The following KCNIP4 variants were observed in gnomAD, a reference collection of about 807,000 sequenced individuals.
The protein encoded by KCNIP4 is potassium voltage-gated channel interacting protein 4, also known as Kv channel-interacting protein 4.
In KCNIP4, 12 loss-of-function variants were observed where a neutral mutation model predicts 34.0. That is an observed-to-expected ratio of 0.35 (90% CI 0.23 to 0.57). The LOEUF (loss-of-function observed/expected upper bound fraction) is 0.57, where lower values mean the gene tolerates loss of function less well. Ranked by LOEUF, KCNIP4 falls within the 20% of genes least tolerant of loss-of-function variation. KCNIP4 has a pLI of 0.83. For missense variants in KCNIP4, 238 were observed against 311.7 expected, an observed-to-expected ratio of 0.76 and a Z score of 1.78; for synonymous variants, 124 against 102.2, an observed-to-expected ratio of 1.21 and a Z score of -1.29.
chr4:21,152,899 C>A (rs1158143375), intron 1 of KCNIP4, among the ~76,000 whole-genome samples: 2 of 152,166 alleles, frequency 1.3e-5, no homozygotes, highest in East Asian at 1.9e-4. Flanking sequence ...ACAATCCCCA[C>A]CCCCCAACCC....
At chr4:21,496,221 A>G (rs1732838881) in intron 1 of KCNIP4, among the ~76,000 whole-genome samples, 1 of 152,172 alleles carries the variant, frequency 6.6e-6, no homozygotes, top group African/African-American at 2.4e-5. Flanking sequence ...ACTACAGGTA[A>G]TTAGAGAAAG....
intron 1 of KCNIP4, among the ~76,000 whole-genome samples, chr4:21,015,029 G>A (rs1739377435): frequency 6.6e-6 from 1 of 152,108 alleles, no homozygotes; most frequent in East Asian, 1.9e-4. Context: ...GACGAATGTT[G>A]TTATTAGTTT....
At chr4:21,108,828 C>G (rs531446036) in intron 1 of KCNIP4, among the ~76,000 whole-genome samples, 1 of 152,296 alleles carries the variant, frequency 6.6e-6, no homozygotes, top group South Asian at 2.1e-4. Flanking sequence ...ACAGGACCCT[C>G]AGCTGCAGGT....
intron 3 of KCNIP4, among the ~76,000 whole-genome samples, chr4:20,841,308 G>A (rs1719688724): frequency 6.6e-6 from 1 of 152,134 alleles, no homozygotes; most frequent in Admixed American, 6.6e-5. Context: ...AGCCTGAAGG[G>A]CTGAGAATTT....
intron 1 of KCNIP4, among the ~76,000 whole-genome samples, chr4:20,992,765 T>C (rs2149707798): frequency 6.6e-6 from 1 of 152,222 alleles, no homozygotes; most frequent in East Asian, 1.9e-4. Context: ...TGGTGGCTCA[T>C]GCCTGTAATC....
chr4:21,392,636 A>T (rs183745013), intron 1 of KCNIP4, among the ~76,000 whole-genome samples: 1 of 152,350 alleles, frequency 6.6e-6, no homozygotes, highest in African/African-American at 2.4e-5. Flanking sequence ...TAACTGTTTG[A>T]TCTATGAATT....
intron 1 of KCNIP4, among the ~76,000 whole-genome samples, chr4:21,824,075 T>C: frequency 6.6e-6 from 1 of 152,162 alleles, no homozygotes; most frequent in African/African-American, 2.4e-5. Context: ...TGGGCTAGCC[T>C]GCCAGTGAAA....
intron 1 of KCNIP4, among the ~76,000 whole-genome samples, chr4:20,922,065 C>T (rs913812940): frequency 6.6e-6 from 1 of 152,182 alleles, no homozygotes; most frequent in Non-Finnish European, 1.5e-5. Context: ...TAACAGTAGA[C>T]TTGAATGCAG....
chr4:20,771,554 T>C lies in KCNIP4; in HGVS notation c.289-12664A>G, dbSNP rs571653986. Among the ~76,000 whole-genome samples the C allele has an allele frequency of 3.3e-5, 5 of 152,302 alleles. No individual in the cohort carries two copies. The East Asian group carries it at 5.8e-4, about 18-fold the overall frequency. Reference sequence around the variant, plus strand: ...GAAATGTCTGCTGGAGAAAGAGGTGTCGTCTATAGATTACGGTGGTGGGTG... The same window carrying C: ...GAAATGTCTGCTGGAGAAAGAGGTGCCGTCTATAGATTACGGTGGTGGGTG... On this transcript the variant is annotated intron_variant, in intron 3 of 8. Coordinates refer to ENST00000382152, the MANE Select transcript of KCNIP4 (RefSeq NM_025221.6).
At chr4:21,208,965 G>A (rs1757041437) in intron 1 of KCNIP4, among the ~76,000 whole-genome samples, 1 of 152,172 alleles carries the variant, frequency 6.6e-6, no homozygotes, top group African/African-American at 2.4e-5. Context: ...TCTCTATAAA[G>A]AGAACAGCAT....
intron 1 of KCNIP4, among the ~76,000 whole-genome samples, chr4:21,323,474 T>C (rs1714712277): frequency 6.6e-6 from 1 of 152,052 alleles, no homozygotes; most frequent in Non-Finnish European, 1.5e-5. Flanking sequence ...AGTTAAATTG[T>C]TTTAATTTTT....
intron 1 of KCNIP4, among the ~76,000 whole-genome samples, chr4:21,817,748 G>C (rs1033992598): frequency 6.6e-6 from 1 of 152,102 alleles, no homozygotes; most frequent in Non-Finnish European, 1.5e-5. Context: ...GGCTTACTAG[G>C]GTGGGGAAAA....
At chr4:21,398,448 C>T (rs1723194029) in intron 1 of KCNIP4, among the ~76,000 whole-genome samples, 1 of 152,202 alleles carries the variant, frequency 6.6e-6, no homozygotes, top group Non-Finnish European at 1.5e-5. Flanking sequence ...AATAAAAACA[C>T]AAGAGTTTGA....
rs150883859 is a variant in KCNIP4, at chr4:20,933,156, A to G, written c.62-50447T>C. Reference sequence around the variant, plus strand: ...GCTACTTCGAGGCTGAGACAGGAAAATCACCTAAACCTGGAAGGCAGAGGT... The same window carrying G: ...GCTACTTCGAGGCTGAGACAGGAAAGTCACCTAAACCTGGAAGGCAGAGGT... On this transcript the variant is annotated intron_variant, in intron 1 of 8. Coordinates refer to ENST00000382152, the MANE Select transcript of KCNIP4 (RefSeq NM_025221.6). Among the ~76,000 whole-genome samples, 302 of 152,246 alleles carry G rather than the reference A, an allele frequency of 2.0e-3. 1 individual carries two copies. The highest frequency in any genetic ancestry group is 7.0e-3 in the African/African-American group (289 of 41,536).
intron 1 of KCNIP4, among the ~76,000 whole-genome samples, chr4:21,907,821 C>G (rs934448843): frequency 1.3e-5 from 2 of 152,058 alleles, no homozygotes; most frequent in Non-Finnish European, 2.9e-5. Context: ...GTTAACTCCC[C>G]AACTTCATAC....
chr4:21,303,872 A>C, intron 1 of KCNIP4: 1 of 1,614,144 alleles, frequency 6.2e-7, no homozygotes. Flanking sequence ...AATGACGATC[A>C]GAACTGCTAT....
intron 1 of KCNIP4, among the ~76,000 whole-genome samples, chr4:20,994,238 G>A (rs1035019985): frequency 5.3e-5 from 8 of 152,042 alleles, no homozygotes. Flanking sequence ...CTACTATATA[G>A]ATGTAATATA....
chr4:21,899,679 C>T (rs563248243), intron 1 of KCNIP4, among the ~76,000 whole-genome samples: 2 of 152,000 alleles, frequency 1.3e-5, no homozygotes, highest in South Asian at 4.1e-4. Flanking sequence ...AAAAAGTAAT[C>T]CCATTTGCAA....
At chr4:21,345,170 T>C (rs1378658907) in intron 1 of KCNIP4, among the ~76,000 whole-genome samples, 1 of 152,100 alleles carries the variant, frequency 6.6e-6, no homozygotes, top group Non-Finnish European at 1.5e-5. Flanking sequence ...ACTCTCTCCT[T>C]CTTGGATCTT....
Sources: gnomAD v4.1 joint callset for allele counts (sites outside exome capture counted in the v4.1 genomes callset) on GRCh38, gnomAD v4.1.1 for gene constraint, MANE v1.5 for transcripts, NCBI Gene and HGNC (gene_info 2026-07-23, HGNC 2026-07-21) for gene names.